KCNJ4: variants seen among roughly 807,000 people sequenced by gnomAD.
KCNJ4 encodes inward rectifier potassium channel 4.
Under a neutral mutation model 25.6 loss-of-function variants are expected in KCNJ4, and 3 were observed. The observed-to-expected ratio is 0.12, with a 90% CI of 0.05 to 0.30. The LOEUF is 0.30. Ranked by LOEUF, KCNJ4 falls within the 10% of genes least tolerant of loss-of-function variation. The probability of loss-of-function intolerance (pLI) is 1.00; values close to 1 mark genes in which losing one functional copy is unlikely to be tolerated. For synonymous variants in KCNJ4, 257 were observed against 283.9 expected (o/e 0.91, Z 0.95); for missense variants, 286 against 666.8 (o/e 0.43, Z 6.29).
intron 1 of KCNJ4, among the ~76,000 whole-genome samples, chr22:38,447,839 G>A (rs910241682): frequency 6.6e-6 from 1 of 152,098 alleles, no homozygotes; most frequent in Non-Finnish European, 1.5e-5. Flanking sequence ...GCTGAGGCAG[G>A]CGGATCACAA....
chr22:38,444,707 G>A (rs1369746145), intron 1 of KCNJ4, among the ~76,000 whole-genome samples: 1 of 152,246 alleles, frequency 6.6e-6, no homozygotes, highest in East Asian at 1.9e-4. Context: ...CTGGGCCACA[G>A]CCCCAAGGGA....
At chr22:38,439,917 C>T (rs1190119239) in intron 1 of KCNJ4, among the ~76,000 whole-genome samples, 8 of 149,438 alleles carry the variant, frequency 5.4e-5, no homozygotes, top group Non-Finnish European at 5.9e-5. Flanking sequence ...GGTGAAACCC[C>T]GTCTCTACTA....
chr22:38,454,652 C>T (rs969270568), intron 1 of KCNJ4, among the ~76,000 whole-genome samples: 7 of 152,180 alleles, frequency 4.6e-5, no homozygotes, highest in African/African-American at 1.7e-4. Context: ...TTGAAGCTCC[C>T]CGGCATGACA....
intron 1 of KCNJ4, among the ~76,000 whole-genome samples, chr22:38,452,290 T>A (rs2145950572): frequency 6.6e-6 from 1 of 152,312 alleles, no homozygotes; most frequent in East Asian, 1.9e-4. Context: ...AGCAAGGCAC[T>A]GACAGACCAG....
At chr22:38,435,593 C>T (rs1346802808) in intron 1 of KCNJ4, among the ~76,000 whole-genome samples, 2 of 151,212 alleles carry the variant, frequency 1.3e-5, no homozygotes, top group Non-Finnish European at 2.9e-5. Flanking sequence ...CCTGGGAGGC[C>T]GAGGAAGGAG....
At chr22:38,437,264 TGGGG>T (rs2093068130) in intron 1 of KCNJ4, among the ~76,000 whole-genome samples, 1 of 152,178 alleles carries the variant, frequency 6.6e-6, no homozygotes, top group Non-Finnish European at 1.5e-5. Flanking sequence ...TCACAGGCGC[TGGGG>T]GCTGGAGGAC....
chr22:38,435,112 A>G (rs2093061584), intron 1 of KCNJ4, among the ~76,000 whole-genome samples: 1 of 152,196 alleles, frequency 6.6e-6, no homozygotes, highest in African/African-American at 2.4e-5. Flanking sequence ...TCTGTCTGCA[A>G]GATGGGGAGA....
chr22:38,426,718 A>G lies in KCNJ4; in HGVS notation c.*77T>C. ...CGGAGCCAGGGTTGGCTCTGTCCTG[A>G]GTGTGGGAGGGGGTGTCCTGGCATC... On this transcript the variant is annotated 3_prime_UTR_variant, in exon 2 of 2. Transcript: ENST00000303592. 2 of 1,515,538 alleles carry G rather than the reference A, an allele frequency of 1.3e-6. No individual in the cohort carries two copies. Among genetic ancestry groups the G allele is most frequent in the Non-Finnish European group, 1.8e-6 (2 of 1,122,600 alleles). The allele number at this position is 1,515,538 out of a possible 1,614,324, so 93.9% of individuals were successfully genotyped here. A position where few individuals can be genotyped will look rare whatever the true frequency, so the allele number is the denominator to read the frequency against.
chr22:38,438,742 C>G (rs2089311659), intron 1 of KCNJ4, among the ~76,000 whole-genome samples: 1 of 151,134 alleles, frequency 6.6e-6, no homozygotes, highest in Non-Finnish European at 1.5e-5. Flanking sequence ...CTCCAAAAGT[C>G]TGAGTCTGGT....
In KCNJ4 at chr22:38,427,337, C is replaced by T; in HGVS notation, c.796G>A (p.Asp266Asn). 6 of 1,614,028 alleles carry T rather than the reference C, an allele frequency of 3.7e-6. No homozygotes were observed. Among genetic ancestry groups the T allele is most frequent in the South Asian group, 1.1e-5 (1 of 91,066 alleles). The change falls in exon 2 of 2, where the codon GAC becomes AAC. Residue 266 changes from aspartate (D) to asparagine (N), a missense_variant. Physicochemically the swap from Asp to Asn is conservative, Grantham distance 23 (BLOSUM62 1). Coordinates refer to ENST00000303592, the MANE Select transcript of KCNJ4 (RefSeq NM_152868.3). Reference protein sequence around the residue: ...VSPIIIVHEIDEDSPLYGMGK... With the variant: ...VSPIIIVHEINEDSPLYGMGK... ...ATGCCATAAAGCGGGCTGTCCTCGT[C>T]GATCTCGTGGACAATGATGATGGGC...
chr22:38,447,086 TTC>T (rs2089380166), intron 1 of KCNJ4, among the ~76,000 whole-genome samples: 1 of 152,192 alleles, frequency 6.6e-6, no homozygotes, highest in African/African-American at 2.4e-5. Context: ...AACCCAGATC[TTC>T]TGTTTCCCAG....
Position 38,427,005 on chromosome 22 carries a change from C to T in KCNJ4, c.1128G>A (p.Glu376=). The part of the protein sequence containing the change: ...PPPSAFCYEN[E]LALMSQEEEE... Reference sequence around the variant, plus strand: ...CTTCCTCCTGGCTCATAAGGGCCAGCTCGTTCTCGTAGCAGAAGGCACTGG... The same window carrying T: ...CTTCCTCCTGGCTCATAAGGGCCAGTTCGTTCTCGTAGCAGAAGGCACTGG... The change falls in exon 2 of 2, where the codon GAG becomes GAA. Residue 376 remains glutamate, a synonymous_variant. Coordinates refer to ENST00000303592, the MANE Select transcript of KCNJ4 (RefSeq NM_152868.3). The T allele has an allele frequency of 6.2e-7, 1 of 1,612,778 alleles. No individual in the cohort carries two copies. Among genetic ancestry groups the T allele is most frequent in the Non-Finnish European group, 8.5e-7 (1 of 1,179,914 alleles).
chr22:38,443,347 T>C lies in KCNJ4; in HGVS notation c.-40+11633A>G, dbSNP rs1449456750. Among the ~76,000 whole-genome samples, 1 of 152,178 alleles carries C rather than the reference T, an allele frequency of 6.6e-6. No homozygotes were observed. The highest frequency in any genetic ancestry group is 2.4e-5 in the African/African-American group (1 of 41,514). On this transcript the variant is annotated intron_variant, in intron 1 of 1. Transcript: ENST00000303592. The surrounding 1 kb of genome is among the most constrained non-coding windows in gnomAD (Gnocchi z 4.1). ...CTGTGGCTTAAAATACCACCTAGCC[T>C]GCGCCTCCCTCCCAGGCAGCTACAA...
chr22:38,431,569 C>T (rs573414469), intron 1 of KCNJ4, among the ~76,000 whole-genome samples: 1 of 152,352 alleles, frequency 6.6e-6, no homozygotes, highest in East Asian at 1.9e-4. Flanking sequence ...GCCCCCAGCA[C>T]ATCCTGGAGC....
chr22:38,454,176 C>T (rs1189034501), intron 1 of KCNJ4, among the ~76,000 whole-genome samples: 1 of 152,184 alleles, frequency 6.6e-6, no homozygotes, highest in Non-Finnish European at 1.5e-5. Context: ...AGGCCCTGCT[C>T]TGTCAGCTGG....
At chr22:38,429,651 A>G (rs2093043417) in intron 1 of KCNJ4, among the ~76,000 whole-genome samples, 1 of 152,142 alleles carries the variant, frequency 6.6e-6, no homozygotes, top group Admixed American at 6.5e-5. Context: ...GTTGCAGCAG[A>G]AGAGGCCCCT....
chr22:38,450,154 A>G (rs2145949137), intron 1 of KCNJ4, among the ~76,000 whole-genome samples: 1 of 152,198 alleles, frequency 6.6e-6, no homozygotes, highest in African/African-American at 2.4e-5. Flanking sequence ...TGAAAAGGAG[A>G]AGAAGGGCTG....
intron 1 of KCNJ4, among the ~76,000 whole-genome samples, chr22:38,448,488 C>T (rs559882930): frequency 6.6e-6 from 1 of 152,262 alleles, no homozygotes; most frequent in East Asian, 1.9e-4. Flanking sequence ...ACGCAGGCCA[C>T]CCTTCCTACT....
At chr22:38,454,871 G>C (rs2089431116) in intron 1 of KCNJ4, 109 bp downstream of exon 1, 1 of 151,804 alleles carries the variant, frequency 6.6e-6, no homozygotes, top group Non-Finnish European at 1.5e-5. Context: ...CCCGGCTCCG[G>C]ATCAGGTGCG....
Sources: gnomAD v4.1 joint callset for allele counts (sites outside exome capture counted in the v4.1 genomes callset) on GRCh38, gnomAD v4.1.1 for gene constraint, Gnocchi (gnomAD v3.1) non-coding constraint, MANE v1.5 for transcripts, NCBI Gene and HGNC (gene_info 2026-07-23, HGNC 2026-07-21) for gene names.